Variants in NTN1 observed in about 807,000 individuals in gnomAD.
The protein encoded by NTN1 is netrin 1.
In NTN1, 11 loss-of-function variants were observed where a neutral mutation model predicts 54.2. That is an observed-to-expected ratio of 0.20 (90% CI 0.13 to 0.34). NTN1 has a LOEUF of 0.34. NTN1 is among the 10% of genes least tolerant of loss of function. The pLI, the probability that NTN1 is intolerant of heterozygous loss-of-function variation, is 1.00. For missense variants in NTN1, 740 were observed against 893.1 expected, an observed-to-expected ratio of 0.83 and a Z score of 2.18; for synonymous variants, 371 against 382.0, an observed-to-expected ratio of 0.97 and a Z score of 0.33.
At chr17:9,058,000 G>A (rs563950986) in intron 2 of NTN1, among the ~76,000 whole-genome samples, 1 of 152,318 alleles carries the variant, frequency 6.6e-6, no homozygotes, top group African/African-American at 2.4e-5. Flanking sequence ...CGATTCTCCT[G>A]CCTCAGCCTC....
intron 2 of NTN1, among the ~76,000 whole-genome samples, chr17:9,110,430 T>C (rs1482909934): frequency 6.6e-6 from 1 of 152,120 alleles, no homozygotes; most frequent in African/African-American, 2.4e-5. Flanking sequence ...CCACCATGCC[T>C]GGCTACTTTT....
At chr17:9,053,511 T>G (rs2091967545) in intron 2 of NTN1, among the ~76,000 whole-genome samples, 1 of 152,250 alleles carries the variant, frequency 6.6e-6, no homozygotes, top group Non-Finnish European at 1.5e-5. Flanking sequence ...GCAGGTCCCC[T>G]GTGGACGTTG....
At chr17:9,041,389 T>C (rs1199477121) in intron 2 of NTN1, among the ~76,000 whole-genome samples, 1 of 152,244 alleles carries the variant, frequency 6.6e-6, no homozygotes, top group Non-Finnish European at 1.5e-5. Flanking sequence ...AGTAGGCTTT[T>C]GATCTTTACA....
chr17:9,173,897 G>A (rs1232495332), intron 3 of NTN1: 1 of 152,404 alleles, frequency 6.6e-6, no homozygotes, highest in Admixed American at 6.5e-5. Flanking sequence ...TTTCCCATCA[G>A]ACTTTGGGAG....
chr17:9,212,159 G>A lies in NTN1; in HGVS notation c.1412-9009G>A, dbSNP rs1439745139. Among the ~76,000 whole-genome samples, 2 of 152,222 alleles carry A rather than the reference G, an allele frequency of 1.3e-5. No homozygotes were observed. The highest frequency in any genetic ancestry group is 2.9e-5 in the Non-Finnish European group (2 of 68,040). On this transcript the variant is annotated intron_variant, in intron 5 of 6. Transcript: ENST00000173229. This position sits in a 1 kb window ranked among gnomAD's most constrained non-coding sequence, Gnocchi z 5.5. ...CTTAGAGAGATGGGTGGGGGCTAGAGATCTGCCTGTGGGCCCCAGCTCTCC... is the reference window on the plus strand; with the variant it reads ...CTTAGAGAGATGGGTGGGGGCTAGAAATCTGCCTGTGGGCCCCAGCTCTCC...
intron 2 of NTN1, among the ~76,000 whole-genome samples, chr17:9,030,740 G>GA (rs1392740094): frequency 6.7e-6 from 1 of 149,040 alleles, no homozygotes; most frequent in Non-Finnish European, 1.5e-5. Context: ...GCAAGACTCA[G>GA]AAAAAAAAGA....
At chr17:9,141,195 G>GA (rs1437088521) in intron 2 of NTN1, among the ~76,000 whole-genome samples, 1 of 151,882 alleles carries the variant, frequency 6.6e-6, no homozygotes, top group Non-Finnish European at 1.5e-5. Flanking sequence ...ATTTCCCCCC[G>GA]AGAAGACAGA....
chr17:9,098,963 T>C (rs2092140681), intron 2 of NTN1, among the ~76,000 whole-genome samples: 1 of 152,244 alleles, frequency 6.6e-6, no homozygotes, highest in Admixed American at 6.5e-5. Context: ...ATTCTTCTGG[T>C]ATATTTCCAT....
At chr17:9,226,842 C>T (rs1433203671) in intron 6 of NTN1, among the ~76,000 whole-genome samples, 1 of 152,062 alleles carries the variant, frequency 6.6e-6, no homozygotes, top group East Asian at 1.9e-4. Context: ...AGCTCAGATA[C>T]AGGCGGAGCA....
In NTN1 at chr17:9,122,077, G is replaced by A. The variant is rs1210824292; in HGVS notation, c.1019-40736G>A. 1.2e-4 allele frequency among the ~76,000 whole-genome samples: 18 copies of A among 145,564 alleles called. No homozygotes were observed. In the East Asian group the frequency reaches 3.2e-3, roughly 26 times the overall value. On this transcript the variant is annotated intron_variant, in intron 2 of 6. Transcript: ENST00000173229. ...TTTTGAGACGGAGTCTCGTTCTGTC[G>A]CCCAGGCTGGAGTGCAGTGGCGCAA...
intron 2 of NTN1, among the ~76,000 whole-genome samples, chr17:9,109,351 A>G (rs74932871): frequency 0.075 from 11,467 of 152,294 alleles, 619 homozygotes; most frequent in Non-Finnish European, 0.11. Flanking sequence ...ATCTTTGCAC[A>G]ATACAGAGTG....
chr17:9,103,583 C>A (rs1350570785), intron 2 of NTN1, among the ~76,000 whole-genome samples: 1 of 152,056 alleles, frequency 6.6e-6, no homozygotes, highest in Non-Finnish European at 1.5e-5. Flanking sequence ...GAAGCCTCGC[C>A]AGCCATGGTG....
intron 2 of NTN1, among the ~76,000 whole-genome samples, chr17:9,119,143 A>G (rs980214571): frequency 6.6e-6 from 1 of 152,118 alleles, no homozygotes; most frequent in Non-Finnish European, 1.5e-5. Context: ...CATCCTTGCC[A>G]ACACTTGTTA....
Position 9,043,811 on chromosome 17 carries a change from C to T in NTN1, c.1018+20420C>T, listed in dbSNP as rs191146725. 2.5e-3 allele frequency among the ~76,000 whole-genome samples: 376 copies of T among 152,168 alleles called. 2 individuals carry two copies. Among genetic ancestry groups the T allele is most frequent in the African/African-American group, 8.7e-3 (363 of 41,512 alleles). On this transcript the variant is annotated intron_variant, in intron 2 of 6. Coordinates refer to ENST00000173229, the MANE Select transcript of NTN1 (RefSeq NM_004822.3). ...GTCAGGCTGGTCTCAAACTCCGGAC[C>T]TCAGGTGATCCACCCGCCTCGGCTT...
intron 2 of NTN1, among the ~76,000 whole-genome samples, chr17:9,119,336 C>T (rs769134631): frequency 2.8e-4 from 42 of 152,032 alleles, no homozygotes; most frequent in Non-Finnish European, 3.8e-4. Flanking sequence ...TACAGGCACA[C>T]ACCACCACTC....
At chr17:9,206,327 A>T (rs563716546) in intron 5 of NTN1, among the ~76,000 whole-genome samples, 1 of 152,320 alleles carries the variant, frequency 6.6e-6, no homozygotes, top group East Asian at 1.9e-4. Flanking sequence ...TTCAGCAAAA[A>T]GAAAGAGCCT....
the NTN1 span, among the ~76,000 whole-genome samples, chr17:9,010,984 T>C: frequency 1.3e-5 from 2 of 152,098 alleles, no homozygotes; most frequent in African/African-American, 4.8e-5. Flanking sequence ...TAGATGGTCC[T>C]ATCTGGGGGT....
At chr17:9,154,481 C>T (rs1449113320) in intron 2 of NTN1, among the ~76,000 whole-genome samples, 2 of 152,200 alleles carry the variant, frequency 1.3e-5, no homozygotes, top group Non-Finnish European at 2.9e-5. Context: ...ACACAAAAGG[C>T]TGTGAGTCCC....
intron 2 of NTN1, among the ~76,000 whole-genome samples, chr17:9,112,245 T>A (rs1299910821): frequency 6.6e-6 from 1 of 152,186 alleles, no homozygotes; most frequent in African/African-American, 2.4e-5. Flanking sequence ...TGAAGATAAG[T>A]AAAGAGAAAC....
Sources: gnomAD v4.1 joint callset for allele counts (sites outside exome capture counted in the v4.1 genomes callset) on GRCh38, gnomAD v4.1.1 for gene constraint, Gnocchi (gnomAD v3.1) non-coding constraint, MANE v1.5 for transcripts, NCBI Gene and HGNC (gene_info 2026-07-23, HGNC 2026-07-21) for gene names.